Variants in ARHGAP15 observed in about 807,000 individuals in gnomAD.
ARHGAP15 encodes the protein rho GTPase-activating protein 15.
Under a neutral mutation model 63.7 loss-of-function variants are expected in ARHGAP15, and 51 were observed. The observed-to-expected ratio is 0.80, with a 90% CI of 0.64 to 1.01. ARHGAP15 has a LOEUF of 1.01. Ranked by LOEUF, ARHGAP15 falls within the 50% of genes least tolerant of loss-of-function variation. The pLI, the probability that ARHGAP15 is intolerant of heterozygous loss-of-function variation, is 0.00. For synonymous variants in ARHGAP15, 191 were observed against 193.8 expected, an observed-to-expected ratio of 0.99 and a Z score of 0.12; for missense variants, 560 against 564.6, an observed-to-expected ratio of 0.99 and a Z score of 0.08.
chr2:143,714,076 G>T (rs181714374), intron 13 of ARHGAP15, among the ~76,000 whole-genome samples: 2 of 152,154 alleles, frequency 1.3e-5, no homozygotes, highest in Admixed American at 1.3e-4. Context: ...TTTCCCTTCC[G>T]CAATGCCCTA....
intron 13 of ARHGAP15, among the ~76,000 whole-genome samples, chr2:143,726,763 A>G (rs1367970116): frequency 1.3e-5 from 2 of 152,254 alleles, no homozygotes; most frequent in Non-Finnish European, 2.9e-5. Flanking sequence ...AATAATTCAT[A>G]GTGAACCTAA....
chr2:143,468,665 T>A (rs940887753), intron 8 of ARHGAP15, among the ~76,000 whole-genome samples: 7 of 147,672 alleles, frequency 4.7e-5, no homozygotes, highest in African/African-American at 1.8e-4. Context: ...AGAGAGAGAG[T>A]GTGTGTGTGT....
intron 13 of ARHGAP15, among the ~76,000 whole-genome samples, chr2:143,767,412 G>A (rs1458229156): frequency 6.6e-6 from 1 of 152,094 alleles, no homozygotes; most frequent in African/African-American, 2.4e-5. Context: ...GCATTTTATT[G>A]TGGCATTAAG....
intron 13 of ARHGAP15, among the ~76,000 whole-genome samples, chr2:143,762,153 G>A (rs1378292861): frequency 1.3e-5 from 2 of 152,006 alleles, no homozygotes; most frequent in Non-Finnish European, 2.9e-5. Context: ...CTTAGAATCA[G>A]GTATCTTTGC....
At chr2:143,384,519 A>T (rs926904042) in intron 6 of ARHGAP15, among the ~76,000 whole-genome samples, 1 of 151,990 alleles carries the variant, frequency 6.6e-6, no homozygotes. Flanking sequence ...TTACCAGCTA[A>T]AGAAATAAAT....
intron 10 of ARHGAP15, among the ~76,000 whole-genome samples, chr2:143,554,879 T>C (rs1695722510): frequency 6.6e-6 from 1 of 152,154 alleles, no homozygotes; most frequent in Non-Finnish European, 1.5e-5. Flanking sequence ...TATTGATTTT[T>C]ACAAATATAT....
chr2:143,662,849 A>G (rs1445348622), intron 12 of ARHGAP15, among the ~76,000 whole-genome samples: 6 of 136,462 alleles, frequency 4.4e-5, no homozygotes, highest in African/African-American at 8.3e-5. Context: ...ATGAAGCAAG[A>G]AGGGAAGTTT....
At chr2:143,394,249 A>G (rs1558941868) in intron 6 of ARHGAP15, among the ~76,000 whole-genome samples, 1 of 152,150 alleles carries the variant, frequency 6.6e-6, no homozygotes, top group Non-Finnish European at 1.5e-5. Flanking sequence ...TTAGCGATGA[A>G]AGCAGCCACA....
chr2:143,703,395 C>T (rs891415554), intron 12 of ARHGAP15, 24 bp from the exon 13 acceptor site: 3 of 1,585,662 alleles, frequency 1.9e-6, no homozygotes, highest in Non-Finnish European at 2.6e-6. Context: ...TTTCCCTAAC[C>T]TTCCTTTTTA....
chr2:143,367,638 G>A (rs1403228221), intron 6 of ARHGAP15, among the ~76,000 whole-genome samples: 1 of 151,366 alleles, frequency 6.6e-6, no homozygotes, highest in African/African-American at 2.4e-5. Flanking sequence ...ATTTCTTCTT[G>A]TAACCTCCAT....
Position 143,662,040 on chromosome 2 carries a change from G to T in ARHGAP15, c.1138+37773G>T, listed in dbSNP as rs181471186. On this transcript the variant is annotated intron_variant, in intron 12 of 13. Coordinates refer to ENST00000295095, the MANE Select transcript of ARHGAP15 (RefSeq NM_018460.4). Reference sequence around the variant, plus strand: ...GCTTGCTTAGGTAAACATAGCAGCCGGGAAGCTCCAACTGGGTGGAGCCCA... The same window carrying T: ...GCTTGCTTAGGTAAACATAGCAGCCTGGAAGCTCCAACTGGGTGGAGCCCA... 5.0e-3 allele frequency among the ~76,000 whole-genome samples: 763 copies of T among 152,344 alleles called. 5 individuals carry two copies. The highest frequency in any genetic ancestry group is 0.017 in the African/African-American group (725 of 41,570).
rs1558898102 is a variant in ARHGAP15 at position 143,330,133 on chromosome 2, C to CAAA, written c.474+79536_474+79538dup. ...AAAAAAAAAAAAAAAAAAAAAAAAC[C>CAAA]AAAAACAAAAAACTAAACTAATGAT... On this transcript the variant is annotated intron_variant, in intron 6 of 13. Coordinates refer to ENST00000295095, the MANE Select transcript of ARHGAP15 (RefSeq NM_018460.4). 7.0e-3 allele frequency among the ~76,000 whole-genome samples: 261 copies of CAAA among 37,346 alleles called. 26 individuals carry two copies. The highest frequency in any genetic ancestry group is 9.1e-3 in the Non-Finnish European group (174 of 19,162). 24.5% of individuals were successfully genotyped at this position (37,346 alleles called of 152,430 possible).
chr2:143,318,503 A>G (rs1342390426), intron 6 of ARHGAP15, among the ~76,000 whole-genome samples: 1 of 133,124 alleles, frequency 7.5e-6, no homozygotes, highest in African/African-American at 2.8e-5. Flanking sequence ...CTTCCAGATT[A>G]AGGGCCTTTT....
rs148177714 is a variant in ARHGAP15, at chr2:143,460,059, G to A, written c.703+23017G>A. 3.0e-3 allele frequency among the ~76,000 whole-genome samples: 463 copies of A among 152,188 alleles called. 1 individual carries two copies. Among genetic ancestry groups the A allele is most frequent in the Middle Eastern group, 0.024 (7 of 294 alleles). ...GAGTATAGGATGTAAAAGAAAAATA[G>A]CAACAGCAACTCTAAGTAATACAGT... On this transcript the variant is annotated intron_variant, in intron 8 of 13. Coordinates refer to ENST00000295095, the MANE Select transcript of ARHGAP15 (RefSeq NM_018460.4).
At chr2:143,286,730 T>A (rs1005486338) in intron 6 of ARHGAP15, among the ~76,000 whole-genome samples, 33 of 152,204 alleles carry the variant, frequency 2.2e-4, no homozygotes, top group East Asian at 1.9e-4. Context: ...GTTATTTTTT[T>A]AAAATACAGT....
chr2:143,499,710 T>C (rs1290978707), intron 9 of ARHGAP15, among the ~76,000 whole-genome samples: 2 of 152,092 alleles, frequency 1.3e-5, no homozygotes, highest in Non-Finnish European at 2.9e-5. Flanking sequence ...GTGTAGGAAG[T>C]ATAAACTGTC....
intron 11 of ARHGAP15, among the ~76,000 whole-genome samples, chr2:143,612,424 T>C (rs1698291219): frequency 6.6e-6 from 1 of 152,226 alleles, no homozygotes. Context: ...TCACCTTAAA[T>C]GTCCTGTGTG....
At chr2:143,153,858 CTCCTCCTCCTCCTCT>C (rs1469925834) in intron 1 of ARHGAP15, among the ~76,000 whole-genome samples, 5 of 80,126 alleles carry the variant, frequency 6.2e-5, no homozygotes, top group Admixed American at 1.7e-4. Flanking sequence ...CCTCCTCCTC[CTCCTCCTCCTCCTCT>C]TCCTCCTCCT....
chr2:143,662,464 G>GA (rs1240152610), intron 12 of ARHGAP15, among the ~76,000 whole-genome samples: 2 of 144,096 alleles, frequency 1.4e-5, no homozygotes, highest in African/African-American at 5.0e-5. Flanking sequence ...CAAAGATGGG[G>GA]AAAAAACAGA....
Sources: gnomAD v4.1 joint callset for allele counts (sites outside exome capture counted in the v4.1 genomes callset) on GRCh38, gnomAD v4.1.1 for gene constraint, MANE v1.5 for transcripts, NCBI Gene and HGNC (gene_info 2026-07-23, HGNC 2026-07-21) for gene names.